The following MSS51 variants were observed in gnomAD, a reference collection of about 807,000 sequenced individuals.
MSS51 encodes MSS51 mitochondrial translational activator.
A neutral mutation model predicts 40.2 loss-of-function variants in MSS51; 32 were observed. The ratio of observed to expected loss-of-function variants is 0.80; its 90% confidence interval spans 0.60 to 1.07. The LOEUF (loss-of-function observed/expected upper bound fraction) is 1.07. MSS51 is among the 50% of genes least tolerant of loss of function. The pLI, the probability that MSS51 is intolerant of heterozygous loss-of-function variation, is 0.00. For missense variants in MSS51, 518 were observed against 568.9 expected, an observed-to-expected ratio of 0.91 and a Z score of 0.91; for synonymous variants, 178 against 214.2, an observed-to-expected ratio of 0.83 and a Z score of 1.48.
chr10:73,430,236 C>A (rs1400507270), intron 1 of MSS51, among the ~76,000 whole-genome samples: 1 of 152,084 alleles, frequency 6.6e-6, no homozygotes, highest in Non-Finnish European at 1.5e-5. Flanking sequence ...ACAGGCAACA[C>A]CACCACCACC....
intron 5 of MSS51, among the ~76,000 whole-genome samples, chr10:73,425,470 C>T (rs548604850): frequency 4.4e-4 from 66 of 151,598 alleles, no homozygotes; most frequent in African/African-American, 1.4e-3. Flanking sequence ...GTCAGGAGAT[C>T]GAGATCATCG....
In MSS51 at chr10:73,427,724, C is replaced by T. The variant is rs761621236; in HGVS notation, c.266G>A (p.Arg89Gln). ...GGTPVSGFGF[R>Q]CPQEMFQRME... ...CCTCTGGAACATTTCTTGAGGACATCGAAATCCAAAGCCTGATACGGGGGT... is the reference window on the plus strand; with the variant it reads ...CCTCTGGAACATTTCTTGAGGACATTGAAATCCAAAGCCTGATACGGGGGT... Residue 89 changes from arginine to glutamine, a missense_variant, in exon 3 of 7, where the codon CGA (arginine) becomes CAA (glutamine). Coordinates refer to ENST00000299432, the MANE Select transcript of MSS51 (RefSeq NM_001024593.2). The T allele has an allele frequency of 2.4e-5, 38 of 1,614,040 alleles. No individual in the cohort carries two copies. The Admixed American group carries it at 5.3e-4, about 23-fold the overall frequency.
At chr10:73,433,327 G>A (rs568672189) in intron 1 of MSS51, among the ~76,000 whole-genome samples, 186 bp downstream of exon 1, 1 of 152,200 alleles carries the variant, frequency 6.6e-6, no homozygotes, top group South Asian at 2.1e-4. Flanking sequence ...GGAGAAGGAA[G>A]ACTGAAACTG....
intron 5 of MSS51, 77 bp downstream of exon 5, chr10:73,425,734 G>C (rs969206459): frequency 6.9e-6 from 9 of 1,300,712 alleles, no homozygotes; most frequent in Non-Finnish European, 9.6e-6. Context: ...AATGAATGGG[G>C]TTCCAAAGAC....
rs762030220 is a variant in MSS51 at position 73,424,623 on chromosome 10, A to C, written c.1313T>G (p.Ile438Ser). The C allele has an allele frequency of 6.2e-7, 1 of 1,614,180 alleles. No individual in the cohort carries two copies. Among genetic ancestry groups the C allele is most frequent in the Non-Finnish European group, 8.5e-7 (1 of 1,180,016 alleles). The change falls in exon 7 of 7, where the codon ATC (isoleucine) becomes AGC (serine). Residue 438 changes from isoleucine (I) to serine (S), a missense_variant. Coordinates refer to ENST00000299432, the MANE Select transcript of MSS51 (RefSeq NM_001024593.2). ...CTGACAGGAGCTTCCAAGAAACATG[A>C]TATAGTATGCACTGCAGTATACTGG... Reference protein sequence around the residue: ...KQPVYCSAYYIMFLGSSCQLD... With the variant: ...KQPVYCSAYYSMFLGSSCQLD...
intron 4 of MSS51, 35 bp downstream of exon 4, chr10:73,426,572 C>A: frequency 6.2e-7 from 1 of 1,612,836 alleles, no homozygotes. Context: ...CAACTATGAC[C>A]ATTATGGCAG....
intron 1 of MSS51, chr10:73,429,681 C>G: frequency 2.2e-6 from 1 of 456,548 alleles, no homozygotes; most frequent in South Asian, 1.5e-5. Context: ...CCATGCCTTC[C>G]ATAAGAGCTG....
chr10:73,425,718 A>T, intron 5 of MSS51, 93 bp downstream of exon 5: 1 of 1,079,758 alleles, frequency 9.3e-7, no homozygotes, highest in Non-Finnish European at 1.3e-6. Flanking sequence ...GTGTTTAATG[A>T]GACCAAATGA....
Position 73,426,080 on chromosome 10 carries a change from A to G in MSS51, c.800T>C (p.Val267Ala). 1 of 1,614,202 alleles carries G rather than the reference A, an allele frequency of 6.2e-7. No homozygotes were observed. The highest frequency in any genetic ancestry group is 1.1e-5 in the South Asian group (1 of 91,084). The change falls in exon 5 of 7, where the codon GTG (valine) becomes GCG (alanine). Residue 267 changes from valine to alanine, a missense_variant. Transcript: ENST00000299432. ...VRRTGGSTVHVVGASHVETFL... is the reference protein window; with the variant it reads ...VRRTGGSTVHAVGASHVETFL... The stretch of plus-strand genomic sequence containing the variant: ...TGTCTCCACATGGGAAGCACCAACC[A>G]CATGCACTGTGCTTCCCCCAGTCCT...
chr10:73,424,500 AG>A lies in MSS51; in HGVS notation c.*52del. 1 of 1,347,220 alleles carries A rather than the reference AG, an allele frequency of 7.4e-7. No individual in the cohort carries two copies. Among genetic ancestry groups the A allele is most frequent in the East Asian group, 2.3e-5 (1 of 43,380 alleles). The allele number at this position is 1,347,220 out of a possible 1,614,324, so 83.5% of individuals were successfully genotyped here. ...AAGTTTGCAAGAACCTGGCATTAGC[AG>A]GGTAATTTCATCACAAACTCCCCGT... On this transcript the variant is annotated 3_prime_UTR_variant, in exon 7 of 7. Transcript: ENST00000299432.
chr10:73,428,352 A>G, intron 1 of MSS51, 51 bp from the exon 2 acceptor site: 1 of 1,360,758 alleles, frequency 7.3e-7, no homozygotes, highest in South Asian at 1.4e-5. Context: ...CAAGCTGGAC[A>G]CTTGTGAAGT....
At chr10:73,430,841 G>A (rs59732104) in intron 1 of MSS51, among the ~76,000 whole-genome samples, 7,105 of 152,136 alleles carry the variant, frequency 0.047, 511 homozygotes, top group African/African-American at 0.15. Flanking sequence ...AGCACTATTC[G>A]CAACAGCTAA....
rs371376153 is a variant in MSS51, at chr10:73,426,346, T to C, written c.534A>G (p.Pro178=). 1.1e-5 allele frequency: 18 copies of C among 1,602,990 alleles called. No individual in the cohort carries two copies. The highest frequency in any genetic ancestry group is 1.7e-4 in the Middle Eastern group (1 of 6,058). The part of the protein sequence containing the change: ...GDFVLPSGPW[P]WPPEAVQDWD... The stretch of plus-strand genomic sequence containing the variant: ...AGTCCTGTACAGCTTCAGGTGGCCA[T>C]GGCCAAGGTCCTGAGGGTAGAACAA... Residue 178 remains proline, a synonymous_variant, in exon 5 of 7, where the codon CCA becomes CCG. Transcript: ENST00000299432.
chr10:73,427,764 C>G lies in MSS51; in HGVS notation c.226G>C (p.Val76Leu), dbSNP rs746426008. ...GATACGGGGGTACCCCCATCTACCA[C>G]CAACCTGCAGAGACAGCATGGAGAA... ...NMKSYEEYKL[V>L]VDGGTPVSGF... The change falls in exon 3 of 7, where the codon GTG (valine) becomes CTG (leucine). Residue 76 changes from valine to leucine, a missense_variant. Transcript: ENST00000299432. The G allele has an allele frequency of 1.2e-6, 2 of 1,613,868 alleles. No homozygotes were observed. Among genetic ancestry groups the G allele is most frequent in the East Asian group, 2.2e-5 (1 of 44,872 alleles).
In MSS51 at chr10:73,431,849, G is replaced by C. The variant is rs181188874; in HGVS notation, c.-18+1664C>G. Among the ~76,000 whole-genome samples the C allele has an allele frequency of 2.6e-5, 4 of 152,192 alleles. No homozygotes were observed. The East Asian group carries it at 7.7e-4, about 29-fold the overall frequency. On this transcript the variant is annotated intron_variant, in intron 1 of 6. Transcript: ENST00000299432. ...TATTAGATTATCTTAGGGTTTAAGG[G>C]TCATGTCCTTTTACCAAAAGAGTAA...
At position 73,428,286 on chromosome 10, in the gene MSS51, G is replaced by T. The variant is rs112352895; in HGVS notation, c.-2C>A. On this transcript the variant is annotated 5_prime_UTR_variant, in exon 2 of 7. Transcript: ENST00000299432. Reference sequence around the variant, plus strand: ...TCGTCGCCGGGACCGTGGAGCCATGGCCTGTCCAGTGATACCTGGAGATTA... The same window carrying T: ...TCGTCGCCGGGACCGTGGAGCCATGTCCTGTCCAGTGATACCTGGAGATTA... 26 of 1,607,964 alleles carry T rather than the reference G, an allele frequency of 1.6e-5. No homozygotes were observed. The highest frequency in any genetic ancestry group is 1.7e-4 in the Middle Eastern group (1 of 6,044).
At chr10:73,428,908 T>C (rs2056008965) in intron 1 of MSS51, among the ~76,000 whole-genome samples, 1 of 151,854 alleles carries the variant, frequency 6.6e-6, no homozygotes, top group South Asian at 2.1e-4. Context: ...GCAGGGCCCA[T>C]AGAAAACTGG....
At position 73,425,649 on chromosome 10, in the gene MSS51, G is replaced by A. The variant is rs1019148439; in HGVS notation, c.1069+162C>T. On this transcript the variant is annotated intron_variant, in intron 5 of 6. Coordinates refer to ENST00000299432, the MANE Select transcript of MSS51 (RefSeq NM_001024593.2). ...TGCACTCCAGCCTGGGCGACAGAGC[G>A]AGACTCCGTCTCAAAAAAAAAAAAA... Among the ~76,000 whole-genome samples, 8 of 143,906 alleles carry A rather than the reference G, an allele frequency of 5.6e-5. No individual in the cohort carries two copies. In the South Asian group the frequency reaches 6.6e-4, roughly 12 times the overall value. The allele number at this position is 143,906 out of a possible 152,430, so 94.4% of individuals were successfully genotyped here.
rs757478881 is a variant in MSS51, at chr10:73,425,804, C to T, written c.1069+7G>A. The T allele has an allele frequency of 6.2e-7, 1 of 1,608,294 alleles. No homozygotes were observed. Among genetic ancestry groups the T allele is most frequent in the East Asian group, 2.2e-5 (1 of 44,824 alleles). On this transcript the variant is annotated splice_region_variant and intron_variant, in intron 5 of 6. Transcript: ENST00000299432. ...ACCCTCTATTCCCCTGAACCAATGA[C>T]TCTTACCTGGATGGAATGCCGCCAC...
Sources: allele counts gnomAD v4.1 joint callset (sites outside exome capture counted in the v4.1 genomes callset), GRCh38; gene constraint gnomAD v4.1.1; transcripts MANE v1.5; gene names NCBI Gene and HGNC (gene_info 2026-07-23, HGNC 2026-07-21).